Variants in ARHGAP44 observed in about 807,000 individuals in gnomAD.
ARHGAP44 encodes Rho GTPase activating protein 44.
Under a neutral mutation model 106.8 loss-of-function variants are expected in ARHGAP44, and 43 were observed. That is an observed-to-expected ratio of 0.40 (90% CI 0.32 to 0.52). ARHGAP44 has a LOEUF of 0.52. Among genes scored for constraint, ARHGAP44 ranks in the 20% least tolerant of loss-of-function variants. The pLI is 0.48. For missense variants in ARHGAP44, 866 were observed against 1,050.5 expected (o/e 0.82, Z 2.43); for synonymous variants, 439 against 410.3 (o/e 1.07, Z -0.85).
intron 15 of ARHGAP44, among the ~76,000 whole-genome samples, chr17:12,957,599 T>A (rs564975035): frequency 2.6e-5 from 4 of 152,308 alleles, no homozygotes; most frequent in African/African-American, 7.2e-5. Flanking sequence ...GAGATTCTTT[T>A]TTTTAATGCC....
intron 1 of ARHGAP44, among the ~76,000 whole-genome samples, chr17:12,818,626 A>G (rs979702619): frequency 6.6e-6 from 1 of 152,126 alleles, no homozygotes; most frequent in African/African-American, 2.4e-5. Flanking sequence ...ACAATTTATG[A>G]AAGTCTCAAG....
intron 1 of ARHGAP44, among the ~76,000 whole-genome samples, chr17:12,843,651 C>CT (rs146749216): frequency 0.04 from 3,858 of 97,108 alleles, 166 homozygotes; most frequent in African/African-American, 0.098. Context: ...GTATTGGTTA[C>CT]TTTTTTTTTT....
chr17:12,956,009 G>A, intron 14 of ARHGAP44, 29 bp downstream of exon 14: 1 of 1,553,940 alleles, frequency 6.4e-7, no homozygotes. Context: ...AGTAATGTGG[G>A]TGATCAGGTG....
chr17:12,819,364 G>A (rs2034695694), intron 1 of ARHGAP44, among the ~76,000 whole-genome samples: 1 of 151,912 alleles, frequency 6.6e-6, no homozygotes, highest in Non-Finnish European at 1.5e-5. Flanking sequence ...ATTATTTCCA[G>A]TTTTTGGCTT....
intron 1 of ARHGAP44, among the ~76,000 whole-genome samples, chr17:12,863,987 C>T (rs1024219838): frequency 5.9e-5 from 9 of 152,218 alleles, no homozygotes; most frequent in African/African-American, 4.8e-5. Flanking sequence ...CATGTGGCCA[C>T]GCCATGTGGC....
At chr17:12,894,638 A>C (rs972812310) in intron 1 of ARHGAP44, among the ~76,000 whole-genome samples, 1 of 152,090 alleles carries the variant, frequency 6.6e-6, no homozygotes, top group East Asian at 1.9e-4. Context: ...GGGTGGGGAA[A>C]CCTTAATTCT....
Position 12,929,055 on chromosome 17 carries a change from C to T in ARHGAP44, c.582+9C>T. The T allele has an allele frequency of 6.3e-7, 1 of 1,598,736 alleles. No individual in the cohort carries two copies. The highest frequency in any genetic ancestry group is 1.1e-5 in the South Asian group (1 of 88,830). On this transcript the variant is annotated intron_variant, in intron 7 of 20. Transcript: ENST00000379672. ...GAGTGGAGATTTGCAGGGTACCTGC[C>T]CTCTTTGCTCCTCTCTACTGGGACA...
intron 10 of ARHGAP44, among the ~76,000 whole-genome samples, chr17:12,948,752 C>CAAA: frequency 7.1e-6 from 1 of 140,900 alleles, no homozygotes; most frequent in East Asian, 2.2e-4. Context: ...ACACACACAC[C>CAAA]CCCTGTAGAC....
intron 16 of ARHGAP44, among the ~76,000 whole-genome samples, chr17:12,966,681 G>C (rs1205563082): frequency 6.6e-6 from 1 of 152,206 alleles, no homozygotes; most frequent in African/African-American, 2.4e-5. Context: ...AGCTTCTGTG[G>C]ATATTTGGGA....
In ARHGAP44 at chr17:12,919,763, C is replaced by T; in HGVS notation, c.396C>T (p.Ile132=). Residue 132 remains isoleucine, a synonymous_variant, in exon 6 of 21, where the codon ATC becomes ATT. Coordinates refer to ENST00000379672, the MANE Select transcript of ARHGAP44 (RefSeq NM_014859.6). The part of the protein sequence containing the change: ...EPLFLLAEVE[I]PNIQKQRKHL... ...ATGTTGTGTAACCACAGGTGGAAAT[C>T]CCAAATATTCAAAAGCAGAGGAAAC... 1 of 1,612,046 alleles carries T rather than the reference C, an allele frequency of 6.2e-7. No homozygotes were observed. Among genetic ancestry groups the T allele is most frequent in the Non-Finnish European group, 8.5e-7 (1 of 1,179,074 alleles).
Position 12,980,111 on chromosome 17 carries a change from G to C in ARHGAP44, c.1817G>C (p.Gly606Ala), listed in dbSNP as rs1207928238. 1 of 1,613,844 alleles carries C rather than the reference G, an allele frequency of 6.2e-7. No individual in the cohort carries two copies. The highest frequency in any genetic ancestry group is 1.1e-5 in the South Asian group (1 of 91,084). Residue 606 changes from glycine to alanine, a missense_variant, in exon 19 of 21, where the codon GGC becomes GCC. This residue lies in a region of ARHGAP44 where 418 missense variants were observed against 403.6 expected (regional missense o/e 1.04). Coordinates refer to ENST00000379672, the MANE Select transcript of ARHGAP44 (RefSeq NM_014859.6). ...SPGSAQKGSP[G>A]SSQGTACAGT... ...GGCTCTGCACAGAAAGGAAGTCCAG[G>C]CTCCAGCCAGGGCACAGCCTGTGCA...
At chr17:12,981,625 T>C (rs191181335) in intron 19 of ARHGAP44, among the ~76,000 whole-genome samples, 156 of 151,888 alleles carry the variant, frequency 1.0e-3, no homozygotes, top group African/African-American at 3.5e-3. Context: ...CTCGAACTCC[T>C]GACCTCAGGT....
chr17:12,871,440 G>A (rs2036404718), intron 1 of ARHGAP44, among the ~76,000 whole-genome samples: 1 of 152,176 alleles, frequency 6.6e-6, no homozygotes. Context: ...TATAGGAAGT[G>A]TGGCTGGGAA....
chr17:12,951,987 G>A (rs933016987), intron 12 of ARHGAP44, among the ~76,000 whole-genome samples: 3 of 152,182 alleles, frequency 2.0e-5, no homozygotes, highest in African/African-American at 7.2e-5. Context: ...CAACTCAGCA[G>A]GACACAGACA....
At chr17:12,829,047 A>C (rs1451498224) in intron 1 of ARHGAP44, among the ~76,000 whole-genome samples, 1 of 152,160 alleles carries the variant, frequency 6.6e-6, no homozygotes, top group African/African-American at 2.4e-5. Context: ...TGCAAAGTTT[A>C]GTTGCATTAA....
chr17:12,837,529 G>T (rs1169530687), intron 1 of ARHGAP44, among the ~76,000 whole-genome samples: 2 of 152,034 alleles, frequency 1.3e-5, no homozygotes, highest in Non-Finnish European at 2.9e-5. Flanking sequence ...GGAAATTTAG[G>T]AAAGGAAGCA....
At chr17:12,927,851 A>G (rs1428330236) in intron 6 of ARHGAP44, among the ~76,000 whole-genome samples, 2 of 152,180 alleles carry the variant, frequency 1.3e-5, no homozygotes. Flanking sequence ...AAATAGTTTT[A>G]TATTTCCTGT....
At chr17:12,940,924 G>T (rs937731117) in intron 7 of ARHGAP44, 132 bp from the exon 8 acceptor site, 1 of 685,604 alleles carries the variant, frequency 1.5e-6, no homozygotes, top group Non-Finnish European at 2.4e-6. Context: ...TGGAAAGTTT[G>T]TATCATATCA....
At chr17:12,831,228 A>C (rs1044856882) in intron 1 of ARHGAP44, among the ~76,000 whole-genome samples, 1 of 152,214 alleles carries the variant, frequency 6.6e-6, no homozygotes, top group Non-Finnish European at 1.5e-5. Context: ...AAGCCTGCAC[A>C]GCTAGTCAGT....
Sources: gnomAD v4.1 joint callset for allele counts (sites outside exome capture counted in the v4.1 genomes callset) on GRCh38, gnomAD v4.1.1 for gene constraint, gnomAD v4.1.1 regional missense constraint, MANE v1.5 for transcripts, NCBI Gene and HGNC (gene_info 2026-07-23, HGNC 2026-07-21) for gene names.